The following CLASRP variants were observed in gnomAD, a reference collection of about 807,000 sequenced individuals.
CLASRP encodes CLK4 associating serine/arginine rich protein.
Under a neutral mutation model 99.9 loss-of-function variants are expected in CLASRP, and 52 were observed. The ratio of observed to expected loss-of-function variants is 0.52; its 90% CI spans 0.42 to 0.66. CLASRP has a LOEUF of 0.66. Ranked by LOEUF, CLASRP falls within the 30% of genes least tolerant of loss-of-function variation. The pLI is 0.00. For missense variants in CLASRP, 848 were observed against 999.2 expected (o/e 0.85, Z 2.04); for synonymous variants, 379 against 373.0 (o/e 1.02, Z -0.18).
Position 45,060,650 on chromosome 19 carries a change from C to G in CLASRP, c.863+23C>G. 2 of 1,543,784 alleles carry G rather than the reference C, an allele frequency of 1.3e-6. No individual in the cohort carries two copies. Among genetic ancestry groups the G allele is most frequent in the Non-Finnish European group, 1.8e-6 (2 of 1,140,420 alleles). On this transcript the variant is annotated intron_variant, in intron 10 of 20. Transcript: ENST00000221455. This position sits in a 1 kb window ranked among gnomAD's most constrained non-coding sequence, Gnocchi z 4.6. ...CAGGTAGGGCTTCTCCCTGAACCCC[C>G]ACCCTGCTGGCATCTGGGGGAGGAG... is the stretch of plus-strand genomic sequence containing the variant.
chr19:45,058,118 C>T (rs1465587126), intron 7 of CLASRP: 1 of 597,632 alleles, frequency 1.7e-6, no homozygotes, highest in Non-Finnish European at 2.9e-6. Flanking sequence ...GGTGCTATTT[C>T]TATGATCTTT....
At chr19:45,069,523 A>G in intron 18 of CLASRP, 1 of 577,128 alleles carries the variant, frequency 1.7e-6, no homozygotes. Flanking sequence ...TGGCCTGGCA[A>G]GCTGTTCCTG....
At chr19:45,055,584 C>T (rs912539838) in intron 5 of CLASRP, among the ~76,000 whole-genome samples, 10 of 152,244 alleles carry the variant, frequency 6.6e-5, no homozygotes, top group African/African-American at 2.4e-4. Flanking sequence ...CATATAATCT[C>T]AGCACTTTGG....
intron 4 of CLASRP, 45 bp from the exon 5 acceptor site, chr19:45,053,053 A>G (rs1600101109): frequency 1.9e-6 from 3 of 1,600,974 alleles, no homozygotes; most frequent in East Asian, 2.2e-5. Flanking sequence ...TTGGGGGGGG[A>G]TCCACTCCTT....
intron 7 of CLASRP, chr19:45,058,377 C>G (rs548320349): frequency 5.8e-5 from 9 of 156,314 alleles, no homozygotes; most frequent in Non-Finnish European, 1.1e-4. Context: ...GCAACTGGCT[C>G]TTTTTATTTA....
intron 16 of CLASRP, among the ~76,000 whole-genome samples, 163 bp downstream of exon 16, chr19:45,068,643 C>CCA (rs1815430477): frequency 1.7e-5 from 1 of 57,418 alleles, no homozygotes; most frequent in African/African-American, 3.9e-5. Flanking sequence ...AGCTCCGCTG[C>CCA]CGCTATGCTG....
chr19:45,069,246 GAAGT>G lies in CLASRP; in HGVS notation c.1874+2_1874+5del. 6.2e-7 allele frequency: 1 copy of G among 1,613,258 alleles called. No homozygotes were observed. The highest frequency in any genetic ancestry group is 8.5e-7 in the Non-Finnish European group (1 of 1,179,998). ...GAGCCATGGCCCGCAAGATCCGCATGAAGTAAGACCTTGCCCCTCCCTGTCCCAT... is the reference window on the plus strand; with the variant it reads ...GAGCCATGGCCCGCAAGATCCGCATGAAGACCTTGCCCCTCCCTGTCCCAT... On this transcript the variant is annotated splice_donor_variant and coding_sequence_variant, in exon 18 of 21. Coordinates refer to ENST00000221455, the MANE Select transcript of CLASRP (RefSeq NM_007056.3). LOFTEE classifies it high-confidence loss of function.
At position 45,050,222 on chromosome 19, in the gene CLASRP, G is replaced by A. The variant is rs567521977; in HGVS notation, c.100-1849G>A. On this transcript the variant is annotated intron_variant, in intron 2 of 20. Transcript: ENST00000221455. ...GGGAGTGGGGTGGGGGGTGGGGTGC[G>A]GCCCAACATGTGTCAGCAAATCTCC... Among the ~76,000 whole-genome samples the A allele has an allele frequency of 3.6e-4, 54 of 151,052 alleles. 1 individual carries two copies. Among genetic ancestry groups the A allele is most frequent in the African/African-American group, 1.2e-3 (50 of 41,134 alleles).
intron 6 of CLASRP, among the ~76,000 whole-genome samples, chr19:45,056,943 T>C (rs1294322405): frequency 1.3e-5 from 2 of 152,138 alleles, no homozygotes. Context: ...GCACCTGCCA[T>C]GTAGTGAGCT....
At chr19:45,069,006 A>G (rs1393521551) in intron 16 of CLASRP, 60 bp from the exon 17 acceptor site, 27 of 1,414,634 alleles carry the variant, frequency 1.9e-5, no homozygotes, top group Non-Finnish European at 2.7e-5. Flanking sequence ...AAAAAAAAAG[A>G]AAAAAGAGAG....
chr19:45,067,854 T>TA lies in CLASRP; in HGVS notation c.1668-160dup, dbSNP rs1314105217. Among the ~76,000 whole-genome samples the TA allele has an allele frequency of 6.6e-6, 1 of 152,082 alleles. No individual in the cohort carries two copies. Among genetic ancestry groups the TA allele is most frequent in the East Asian group, 1.9e-4 (1 of 5,172 alleles). ...GTCAGAGGGGGACAGGTCCCTGTCTTACAGGTTCTGTGGGGTCTGAGAGGG... is the reference window on the plus strand; with the variant it reads ...GTCAGAGGGGGACAGGTCCCTGTCTTAACAGGTTCTGTGGGGTCTGAGAGGG... On this transcript the variant is annotated intron_variant, in intron 14 of 20. Transcript: ENST00000221455. This position sits in a 1 kb window ranked among gnomAD's most constrained non-coding sequence, Gnocchi z 4.9.
intron 5 of CLASRP, 55 bp from the exon 6 acceptor site, chr19:45,056,395 C>T: frequency 6.5e-7 from 1 of 1,532,066 alleles, no homozygotes; most frequent in East Asian, 2.3e-5. Context: ...TGTTCCCCCA[C>T]TGAATTCCTA....
At chr19:45,061,231 T>C (rs1475269591) in intron 10 of CLASRP, among the ~76,000 whole-genome samples, 1 of 152,150 alleles carries the variant, frequency 6.6e-6, no homozygotes, top group Non-Finnish European at 1.5e-5. Flanking sequence ...CCTGTAAGGC[T>C]TAAACAACTT....
chr19:45,040,094 C>G (rs1265438476), intron 1 of CLASRP, 90 bp from the exon 2 acceptor site: 2 of 655,476 alleles, frequency 3.1e-6, no homozygotes, highest in African/African-American at 3.6e-5. Context: ...TGTTTGGGAT[C>G]GACTCTGCCA....
Position 45,064,126 on chromosome 19 carries a change from C to T in CLASRP, c.1020C>T (p.Ala340=), listed in dbSNP as rs539621824. The T allele has an allele frequency of 1.7e-5, 28 of 1,610,278 alleles. No individual in the cohort carries two copies. In the East Asian group the frequency reaches 4.7e-4, roughly 27 times the overall value. Residue 340 remains alanine (A), a synonymous_variant, in exon 12 of 21, where the codon GCC becomes GCT. Coordinates refer to ENST00000221455, the MANE Select transcript of CLASRP (RefSeq NM_007056.3). ...TSFGGSDEEA[A]AAAAAAAASG... ...TTGGGGGCAGCGATGAGGAGGCAGC[C>T]GCAGCCGCTGCTGCCGCAGCAGCAT...
Position 45,062,197 on chromosome 19 carries a change from T to C in CLASRP, c.905+2T>C. ...CCCCACCTATGACCCCTATAAGCGG[T>C]AAGTTGCTCTGGAGGACCAGGGAAT... On this transcript the variant is annotated splice_donor_variant, in intron 11 of 20. Transcript: ENST00000221455. LOFTEE classifies it high-confidence loss of function. 1 of 1,505,552 alleles carries C rather than the reference T, an allele frequency of 6.6e-7. No homozygotes were observed. Among genetic ancestry groups the C allele is most frequent in the Non-Finnish European group, 9.2e-7 (1 of 1,081,530 alleles). 93.3% of individuals were successfully genotyped at this position (1,505,552 alleles called of 1,614,324 possible).
chr19:45,065,972 A>G (rs1241427196), intron 13 of CLASRP, among the ~76,000 whole-genome samples: 2 of 152,150 alleles, frequency 1.3e-5, no homozygotes, highest in Non-Finnish European at 2.9e-5. Context: ...GGTAAAGTAG[A>G]GGGGCCAGGT....
rs370663852 is a variant in CLASRP at position 45,040,201 on chromosome 19, G to C, written c.-12G>C. The C allele has an allele frequency of 1.4e-5, 23 of 1,596,380 alleles. No homozygotes were observed. In the African/African-American group the frequency reaches 2.9e-4, roughly 20 times the overall value. ...TCCCTCAGGTTGAGGCCCCAGGCTTGGCCTCACCACAATGTGGCACGAGGC... is the reference window on the plus strand; with the variant it reads ...TCCCTCAGGTTGAGGCCCCAGGCTTCGCCTCACCACAATGTGGCACGAGGC... On this transcript the variant is annotated 5_prime_UTR_variant, in exon 2 of 21. Transcript: ENST00000221455.
chr19:45,040,930 C>T (rs1971800300), intron 2 of CLASRP, among the ~76,000 whole-genome samples: 1 of 151,934 alleles, frequency 6.6e-6, no homozygotes, highest in Non-Finnish European at 1.5e-5. Flanking sequence ...TGCCACTGAA[C>T]TCCAGCCTGG....
Sources: gnomAD v4.1 joint callset for allele counts (sites outside exome capture counted in the v4.1 genomes callset) on GRCh38, gnomAD v4.1.1 for gene constraint, Gnocchi (gnomAD v3.1) non-coding constraint, MANE v1.5 for transcripts, NCBI Gene and HGNC (gene_info 2026-07-23, HGNC 2026-07-21) for gene names.